MLLT10: variants seen among roughly 807,000 people sequenced by gnomAD.
MLLT10 encodes MLLT10 histone lysine methyltransferase DOT1L cofactor.
Under a neutral mutation model 129.1 loss-of-function variants are expected in MLLT10, and 30 were observed. The ratio of observed to expected loss-of-function variants is 0.23; its 90% CI spans 0.17 to 0.32. The LOEUF is 0.32. Ranked by LOEUF, MLLT10 falls within the 10% of genes least tolerant of loss-of-function variation. MLLT10 has a pLI of 1.00. For synonymous variants in MLLT10, 490 were observed against 446.4 expected, an observed-to-expected ratio of 1.10 and a Z score of -1.23; for missense variants, 1,119 against 1,268.3, an observed-to-expected ratio of 0.88 and a Z score of 1.79.
intron 13 of MLLT10, among the ~76,000 whole-genome samples, chr10:21,703,144 C>T (rs574360077): frequency 1.3e-5 from 2 of 152,132 alleles, no homozygotes; most frequent in East Asian, 3.9e-4. Context: ...CTTTTGCTTC[C>T]AGGTTTAGAA....
intron 9 of MLLT10, among the ~76,000 whole-genome samples, chr10:21,664,046 G>A (rs570539841): frequency 6.6e-6 from 1 of 152,134 alleles, no homozygotes; most frequent in South Asian, 2.1e-4. Flanking sequence ...CTTAAGTAGG[G>A]CTTTATGAAT....
intron 3 of MLLT10, among the ~76,000 whole-genome samples, chr10:21,561,055 G>A (rs1235953617): frequency 2.6e-5 from 4 of 151,984 alleles, no homozygotes; most frequent in Admixed American, 1.3e-4. Context: ...TTGTCTTTTC[G>A]CTCTGTTGAG....
intron 21 of MLLT10, among the ~76,000 whole-genome samples, chr10:21,735,915 G>A (rs1221011412): frequency 6.6e-6 from 1 of 152,124 alleles, no homozygotes; most frequent in Non-Finnish European, 1.5e-5. Flanking sequence ...GAAAGCCACT[G>A]GCGAGTTTTT....
chr10:21,716,872 C>T (rs1758322371), intron 14 of MLLT10, among the ~76,000 whole-genome samples: 1 of 152,098 alleles, frequency 6.6e-6, no homozygotes, highest in Admixed American at 6.5e-5. Context: ...GGATTGGTGT[C>T]AGCAGGATAA....
At chr10:21,546,593 A>G (rs1285364886) in intron 3 of MLLT10, among the ~76,000 whole-genome samples, 1 of 138,164 alleles carries the variant, frequency 7.2e-6, no homozygotes, top group Non-Finnish European at 1.5e-5. Context: ...TTTTTTTGAG[A>G]CAGGGTCTCT....
At chr10:21,737,992 G>T (rs1010404929) in intron 21 of MLLT10, among the ~76,000 whole-genome samples, 1 of 152,118 alleles carries the variant, frequency 6.6e-6, no homozygotes, top group African/African-American at 2.4e-5. Flanking sequence ...AATGCTGGCC[G>T]GGCGTGGTGG....
intron 17 of MLLT10, among the ~76,000 whole-genome samples, chr10:21,732,518 C>G (rs767724799): frequency 1.3e-4 from 20 of 152,226 alleles, no homozygotes; most frequent in Non-Finnish European, 2.6e-4. Flanking sequence ...CTTAACCATT[C>G]TGTATATGAC....
rs1490689127 is a variant in MLLT10, at chr10:21,717,725, C to CTCCTCTTCCTCCTCCTCCTCT, written c.1878+3780_1878+3781insTTCCTCCTCCTCCTCTTCCTC. 2.5e-3 allele frequency among the ~76,000 whole-genome samples: 294 copies of CTCCTCTTCCTCCTCCTCCTCT among 116,780 alleles called. 27 individuals carry two copies. Among genetic ancestry groups the CTCCTCTTCCTCCTCCTCCTCT allele is most frequent in the Middle Eastern group, 5.2e-3 (1 of 192 alleles). The allele number at this position is 116,780 out of a possible 152,430, so 76.6% of individuals were successfully genotyped here. On this transcript the variant is annotated intron_variant, in intron 14 of 22. Transcript: ENST00000307729. ...CTTCCTCCTCCTCCTCTTCCTCCTC[C>CTCCTCTTCCTCCTCCTCCTCT]TCCTCCTCCTCTTCCTCCTCCTCTT...
chr10:21,548,802 G>A (rs555275602), intron 3 of MLLT10, among the ~76,000 whole-genome samples: 1 of 151,780 alleles, frequency 6.6e-6, no homozygotes, highest in Non-Finnish European at 1.5e-5. Flanking sequence ...TTTTCAATTT[G>A]TCTCTTTTTT....
intron 11 of MLLT10, 55 bp downstream of exon 11, chr10:21,673,974 C>T: frequency 7.2e-7 from 1 of 1,390,146 alleles, no homozygotes; most frequent in Non-Finnish European, 9.7e-7. Context: ...CTCCCTTCTT[C>T]TGTCCCAAAA....
rs1232993637 is a variant in MLLT10, at chr10:21,734,234, A to G, written c.2858+105A>G. On this transcript the variant is annotated intron_variant, in intron 20 of 22. Transcript: ENST00000307729. ...ATGTGTTCCTTTGTAGATACACCTT[A>G]AGAAGTCTGCCAAAAATTTTAAGTA... 7.9e-6 allele frequency: 11 copies of G among 1,384,208 alleles called. No homozygotes were observed. In the East Asian group the frequency reaches 2.3e-4, roughly 29 times the overall value. The allele number at this position is 1,384,208 out of a possible 1,614,324, so 85.7% of individuals were successfully genotyped here. A position where few individuals can be genotyped will look rare whatever the true frequency, so the allele number is the denominator to read the frequency against.
rs1201175823 is a variant in MLLT10, at chr10:21,568,180, A to G, written c.241-18114A>G. The stretch of plus-strand genomic sequence containing the variant: ...TGTTCCTGATGTACTCACTTCTTCC[A>G]TTCCAGGAGTAGGATACATTAGGCA... On this transcript the variant is annotated intron_variant, in intron 3 of 22. Transcript: ENST00000307729. Among the ~76,000 whole-genome samples the G allele has an allele frequency of 4.6e-5, 7 of 152,158 alleles. No individual in the cohort carries two copies. The East Asian group carries it at 1.3e-3, about 29-fold the overall frequency.
intron 3 of MLLT10, among the ~76,000 whole-genome samples, chr10:21,568,304 G>A (rs2039824174): frequency 6.6e-6 from 1 of 152,152 alleles, no homozygotes; most frequent in Admixed American, 6.5e-5. Flanking sequence ...GAGAAAATTC[G>A]TTTTATTTAT....
At chr10:21,674,831 ATTAG>A (rs902051805) in intron 11 of MLLT10, among the ~76,000 whole-genome samples, 1 of 152,188 alleles carries the variant, frequency 6.6e-6, no homozygotes, top group African/African-American at 2.4e-5. Context: ...TATTTGTTCT[ATTAG>A]TTGGTGGCAA....
At chr10:21,707,857 A>G (rs2055681053) in intron 13 of MLLT10, among the ~76,000 whole-genome samples, 1 of 151,918 alleles carries the variant, frequency 6.6e-6, no homozygotes, top group Non-Finnish European at 1.5e-5. Context: ...TCTTCTTTCA[A>G]TATTTCTGGG....
At chr10:21,677,404 G>A (rs1221941122) in intron 11 of MLLT10, among the ~76,000 whole-genome samples, 1 of 152,142 alleles carries the variant, frequency 6.6e-6, no homozygotes, top group African/African-American at 2.4e-5. Flanking sequence ...CATCCATGGG[G>A]ACTTGGTTCC....
intron 5 of MLLT10, 193 bp downstream of exon 5, chr10:21,595,633 C>G (rs2042956016): frequency 1.1e-5 from 5 of 463,018 alleles, no homozygotes; most frequent in Middle Eastern, 5.7e-4. Flanking sequence ...GCAAGCAAAA[C>G]TGTGTTACCT....
At chr10:21,597,560 C>T (rs557884846) in intron 5 of MLLT10, among the ~76,000 whole-genome samples, 1 of 152,216 alleles carries the variant, frequency 6.6e-6, no homozygotes, top group East Asian at 1.9e-4. Flanking sequence ...TTAGTAAAGA[C>T]AGGCTCTTGC....
Position 21,667,424 on chromosome 10 carries a change from G to A in MLLT10, c.796-3025G>A, listed in dbSNP as rs190243258. Among the ~76,000 whole-genome samples, 313 of 147,216 alleles carry A rather than the reference G, an allele frequency of 2.1e-3. 1 individual carries two copies. Among genetic ancestry groups the A allele is most frequent in the Non-Finnish European group, 3.4e-3 (228 of 66,684 alleles). On this transcript the variant is annotated intron_variant, in intron 9 of 22. Coordinates refer to ENST00000307729, the MANE Select transcript of MLLT10 (RefSeq NM_001195626.3). ...CCTACTATTATTTCTTCAGTTTTGT[G>A]GGGATTTTTTGTTCGTTTGTTTTGA...
Sources: gnomAD v4.1 joint callset for allele counts (sites outside exome capture counted in the v4.1 genomes callset) on GRCh38, gnomAD v4.1.1 for gene constraint, MANE v1.5 for transcripts, NCBI Gene and HGNC (gene_info 2026-07-23, HGNC 2026-07-21) for gene names.